The following LPXN variants were observed in gnomAD, a reference collection of about 807,000 sequenced individuals.
The protein encoded by LPXN is leupaxin.
In LPXN, 28 loss-of-function variants were observed where a neutral mutation model predicts 45.6. The observed-to-expected ratio is 0.61, with a 90% CI of 0.45 to 0.84. The LOEUF is 0.84. LPXN is among the 40% of genes least tolerant of loss of function. The pLI, the probability that LPXN is intolerant of heterozygous loss-of-function variation, is 0.00. For synonymous variants in LPXN, 166 were observed against 169.9 expected (o/e 0.98, Z 0.18); for missense variants, 459 against 475.0 (o/e 0.97, Z 0.31).
chr11:58,549,477 G>A (rs1044268703), intron 7 of LPXN, among the ~76,000 whole-genome samples: 9 of 152,152 alleles, frequency 5.9e-5, no homozygotes, highest in South Asian at 2.1e-4. Flanking sequence ...ATTTGGAGAG[G>A]AGAACTGGAT....
At chr11:58,541,343 C>A (rs368474519) in intron 7 of LPXN, among the ~76,000 whole-genome samples, 1 of 151,786 alleles carries the variant, frequency 6.6e-6, no homozygotes, top group Admixed American at 6.6e-5. Flanking sequence ...AAATTTACAA[C>A]AAAAAAACAA....
At chr11:58,538,918 A>G (rs1220322415) in intron 7 of LPXN, among the ~76,000 whole-genome samples, 3 of 152,116 alleles carry the variant, frequency 2.0e-5, no homozygotes, top group African/African-American at 7.2e-5. Flanking sequence ...GACACAAATA[A>G]TCAAACAAAT....
chr11:58,563,969 C>T (rs1281029229), intron 3 of LPXN, among the ~76,000 whole-genome samples, 186 bp downstream of exon 3: 1 of 152,142 alleles, frequency 6.6e-6, no homozygotes, highest in Non-Finnish European at 1.5e-5. Context: ...AGAAGCCAGG[C>T]ACCTTGAGAA....
intron 7 of LPXN, among the ~76,000 whole-genome samples, chr11:58,545,332 C>T (rs1853846188): frequency 1.3e-5 from 2 of 152,128 alleles, no homozygotes; most frequent in Admixed American, 6.6e-5. Flanking sequence ...TATGTCTCTA[C>T]CTGAAATGTG....
chr11:58,548,848 G>C (rs1000012721), intron 7 of LPXN, among the ~76,000 whole-genome samples: 4 of 152,158 alleles, frequency 2.6e-5, no homozygotes, highest in African/African-American at 9.7e-5. Flanking sequence ...CCAGACTCTA[G>C]TGTAGTCAGT....
chr11:58,544,487 GA>G (rs1430408142), intron 7 of LPXN, among the ~76,000 whole-genome samples: 1 of 152,180 alleles, frequency 6.6e-6, no homozygotes, highest in Non-Finnish European at 1.5e-5. Context: ...AACTATCTGA[GA>G]AATGACCCTC....
At chr11:58,570,338 T>TA (rs1180816069) in intron 2 of LPXN, among the ~76,000 whole-genome samples, 2 of 151,146 alleles carry the variant, frequency 1.3e-5, no homozygotes, top group East Asian at 1.9e-4. Context: ...ATAAAAAAAA[T>TA]AAAAAAAATT....
At chr11:58,548,264 T>C (rs572445108) in intron 7 of LPXN, among the ~76,000 whole-genome samples, 193 of 152,152 alleles carry the variant, frequency 1.3e-3, no homozygotes, top group Non-Finnish European at 2.2e-3. Flanking sequence ...GTAACATGTA[T>C]AAAACATAGA....
Position 58,527,181 on chromosome 11 carries a change from G to T in LPXN, c.*273C>A. On this transcript the variant is annotated 3_prime_UTR_variant, in exon 9 of 9. Transcript: ENST00000395074. ...TGCAAGTGGAAAATACATCTGTAGA[G>T]GGACGAGATAGAAGGACCTAGATCT... 2.6e-6 allele frequency: 1 copy of T among 382,254 alleles called. No homozygotes were observed. The highest frequency in any genetic ancestry group is 4.8e-6 in the Non-Finnish European group (1 of 207,052). The allele number at this position is 382,254 out of a possible 1,614,324, so 23.7% of individuals were successfully genotyped here.
intron 7 of LPXN, among the ~76,000 whole-genome samples, chr11:58,549,214 T>C (rs890876730): frequency 1.3e-5 from 2 of 152,102 alleles, no homozygotes; most frequent in Non-Finnish European, 2.9e-5. Context: ...GCCAATATGG[T>C]GAAACATTGT....
chr11:58,529,437 C>T (rs545820841), intron 7 of LPXN, among the ~76,000 whole-genome samples: 10 of 151,628 alleles, frequency 6.6e-5, no homozygotes, highest in South Asian at 2.1e-4. Flanking sequence ...GGTGAAACCC[C>T]GTCTCTACTA....
At chr11:58,541,961 G>A (rs1362629140) in intron 7 of LPXN, among the ~76,000 whole-genome samples, 11 of 151,126 alleles carry the variant, frequency 7.3e-5, no homozygotes, top group African/African-American at 2.2e-4. Context: ...AACACCGCAT[G>A]TTCTCACTCA....
At chr11:58,556,241 G>GA (rs1459196147) in intron 3 of LPXN, among the ~76,000 whole-genome samples, 12 of 151,702 alleles carry the variant, frequency 7.9e-5, no homozygotes, top group African/African-American at 2.9e-4. Context: ...TCAAAATTAG[G>GA]AAAAAGATTA....
chr11:58,573,291 A>G (rs1012803794), intron 1 of LPXN, among the ~76,000 whole-genome samples: 4 of 151,806 alleles, frequency 2.6e-5, no homozygotes, highest in Non-Finnish European at 5.9e-5. Context: ...AGAAAAGAAA[A>G]CTAAGGTAGA....
At chr11:58,563,115 C>T (rs190697787) in intron 3 of LPXN, among the ~76,000 whole-genome samples, 9 of 152,294 alleles carry the variant, frequency 5.9e-5, no homozygotes, top group African/African-American at 1.7e-4. Flanking sequence ...TGCATTCACT[C>T]GCATTTCTAC....
intron 7 of LPXN, among the ~76,000 whole-genome samples, chr11:58,530,149 G>C (rs907731604): frequency 6.6e-6 from 1 of 152,094 alleles, no homozygotes; most frequent in Non-Finnish European, 1.5e-5. Flanking sequence ...AAGTTTTTTT[G>C]TTTTTTGTTT....
intron 3 of LPXN, among the ~76,000 whole-genome samples, chr11:58,561,421 G>T (rs1323614683): frequency 6.6e-6 from 1 of 152,018 alleles, no homozygotes; most frequent in Non-Finnish European, 1.5e-5. Context: ...TATCTTTTAG[G>T]TACAACATGG....
chr11:58,527,697 GC>G lies in LPXN; in HGVS notation c.917del (p.Gly306AlafsTer54). 1 of 1,614,078 alleles carries G rather than the reference GC, an allele frequency of 6.2e-7. No individual in the cohort carries two copies. Reference sequence around the variant, plus strand: ...GACGTCCATCCAGTTCAAAGAAGGAGCCAGTAGAAAAACTGGTGAAGCAGTC... The same window carrying G: ...GACGTCCATCCAGTTCAAAGAAGGAGCAGTAGAAAAACTGGTGAAGCAGTC... ...CGDCFTSFST[G>X]SFFELDGRPF... On this transcript the variant is annotated frameshift_variant, in exon 9 of 9. Coordinates refer to ENST00000395074, the MANE Select transcript of LPXN (RefSeq NM_004811.3). LOFTEE classifies it high-confidence loss of function.
Position 58,570,729 on chromosome 11 carries a change from C to T in LPXN, c.14-16G>A, listed in dbSNP as rs1412259315. 4 of 1,585,520 alleles carry T rather than the reference C, an allele frequency of 2.5e-6. No individual in the cohort carries two copies. The highest frequency in any genetic ancestry group is 2.6e-6 in the Non-Finnish European group (3 of 1,161,864). ...AATAAGGCATCTACACCATAAGAAG[C>T]AAGAGAATCATGACAGAGAATATTT... On this transcript the variant is annotated splice_polypyrimidine_tract_variant and intron_variant, in intron 1 of 8. Coordinates refer to ENST00000395074, the MANE Select transcript of LPXN (RefSeq NM_004811.3).
Sources: allele counts gnomAD v4.1 joint callset (sites outside exome capture counted in the v4.1 genomes callset), GRCh38; gene constraint gnomAD v4.1.1; transcripts MANE v1.5; gene names NCBI Gene and HGNC (gene_info 2026-07-23, HGNC 2026-07-21).